Variants in ICA1 observed in about 807,000 individuals in gnomAD.
The protein encoded by ICA1 is 69 kDa islet cell autoantigen.
A neutral mutation model predicts 71.0 loss-of-function variants in ICA1; 40 were observed. The ratio of observed to expected loss-of-function variants is 0.56; its 90% CI spans 0.44 to 0.73. The LOEUF (loss-of-function observed/expected upper bound fraction) is 0.73, where lower values mean the gene tolerates loss of function less well. ICA1 is among the 30% of genes least tolerant of loss of function. The probability of loss-of-function intolerance (pLI) is 0.00; values close to 1 mark genes in which losing one functional copy is unlikely to be tolerated. For missense variants in ICA1, 578 were observed against 576.5 expected (o/e 1.00, Z -0.03); for synonymous variants, 207 against 209.5 (o/e 0.99, Z 0.10).
At chr7:8,189,551 G>A (rs1784904946) in intron 6 of ICA1, among the ~76,000 whole-genome samples, 1 of 152,176 alleles carries the variant, frequency 6.6e-6, no homozygotes, top group African/African-American at 2.4e-5. Flanking sequence ...TCCCATGGAG[G>A]CAGGTTTTTT....
chr7:8,211,017 C>T (rs532521133), intron 6 of ICA1, among the ~76,000 whole-genome samples: 4 of 152,196 alleles, frequency 2.6e-5, no homozygotes, highest in Middle Eastern at 3.4e-3. Context: ...GGAGGAAGGC[C>T]GCTGAATCGT....
intron 13 of ICA1, among the ~76,000 whole-genome samples, chr7:8,120,522 C>G (rs1477355135): frequency 6.6e-6 from 1 of 152,138 alleles, no homozygotes; most frequent in Admixed American, 6.6e-5. Context: ...ATCAACTGTT[C>G]TCTAGCTGGT....
chr7:8,247,921 T>G (rs1301424764), intron 1 of ICA1, among the ~76,000 whole-genome samples: 1 of 152,188 alleles, frequency 6.6e-6, no homozygotes, highest in Admixed American at 6.5e-5. Context: ...ACCCACAAAA[T>G]TTGACCAGTT....
intron 12 of ICA1, among the ~76,000 whole-genome samples, chr7:8,136,507 G>C (rs1005744797): frequency 2.0e-5 from 3 of 152,178 alleles, no homozygotes; most frequent in Admixed American, 2.0e-4. Context: ...TGTGCACTGA[G>C]AGAATATTTT....
At chr7:8,215,583 CT>C (rs1317237646) in intron 6 of ICA1, among the ~76,000 whole-genome samples, 1 of 152,154 alleles carries the variant, frequency 6.6e-6, no homozygotes, top group Non-Finnish European at 1.5e-5. Context: ...CTGTATTCCC[CT>C]GGATGCTGCC....
At position 8,130,746 on chromosome 7, in the gene ICA1, T is replaced by A. The variant is rs879544873; in HGVS notation, c.1061-2604A>T. On this transcript the variant is annotated intron_variant, in intron 12 of 13. Transcript: ENST00000402384. The surrounding 1 kb of genome is among the most constrained non-coding windows in gnomAD (Gnocchi z 4.2). Reference sequence around the variant, plus strand: ...ACAGATGTCTGTCCAGGGAAGATCATCATTAACATTAGCAAGAACAAATAA... The same window carrying A: ...ACAGATGTCTGTCCAGGGAAGATCAACATTAACATTAGCAAGAACAAATAA... 1.2e-4 allele frequency among the ~76,000 whole-genome samples: 18 copies of A among 152,342 alleles called. No individual in the cohort carries two copies. Among genetic ancestry groups the A allele is most frequent in the Non-Finnish European group, 2.4e-4 (16 of 68,028 alleles).
rs542383174 is a variant in ICA1, at chr7:8,196,908, C to A, written c.579+21397G>T. Among the ~76,000 whole-genome samples the A allele has an allele frequency of 5.3e-5, 8 of 152,154 alleles. No homozygotes were observed. In the South Asian group the frequency reaches 1.7e-3, roughly 32 times the overall value. On this transcript the variant is annotated intron_variant, in intron 6 of 13. Transcript: ENST00000402384. ...TTTTATAAATGGGAGATCCCCTGGACAAGCTTTCTTTCCTCCCGCCATGTG... is the reference window on the plus strand; with the variant it reads ...TTTTATAAATGGGAGATCCCCTGGAAAAGCTTTCTTTCCTCCCGCCATGTG...
At chr7:8,237,049 G>T (rs1416400967) in intron 1 of ICA1, among the ~76,000 whole-genome samples, 1 of 152,210 alleles carries the variant, frequency 6.6e-6, no homozygotes, top group Non-Finnish European at 1.5e-5. Context: ...ATTACGATGT[G>T]CAAATCCCAC....
Position 8,243,109 on chromosome 7 carries a change from A to G in ICA1, c.-79-7104T>C, listed in dbSNP as rs1198398986. 2.0e-5 allele frequency among the ~76,000 whole-genome samples: 3 copies of G among 152,324 alleles called. No individual in the cohort carries two copies. In the South Asian group the frequency reaches 6.2e-4, roughly 32 times the overall value. On this transcript the variant is annotated intron_variant, in intron 1 of 13. Transcript: ENST00000402384. ...GATACCAAAGCCTGGCAGAGACACA[A>G]CAAAAAAAGGGAATTTTAGACCTAT...
chr7:8,128,372 G>A (rs963037168), intron 12 of ICA1, among the ~76,000 whole-genome samples: 1 of 152,054 alleles, frequency 6.6e-6, no homozygotes, highest in Admixed American at 6.6e-5. Context: ...TCAGTTTCTG[G>A]GCATCAGACT....
chr7:8,118,079 C>A (rs988528924), intron 13 of ICA1, among the ~76,000 whole-genome samples: 1 of 152,062 alleles, frequency 6.6e-6, no homozygotes, highest in Non-Finnish European at 1.5e-5. Flanking sequence ...TCTTTTAAAC[C>A]GTGAGTATAC....
intron 6 of ICA1, among the ~76,000 whole-genome samples, chr7:8,180,135 T>C (rs1335667861): frequency 6.6e-6 from 1 of 152,038 alleles, no homozygotes; most frequent in Non-Finnish European, 1.5e-5. Flanking sequence ...CAGAAAAACA[T>C]ACCAAACATT....
Position 8,113,914 on chromosome 7 carries a change from G to C in ICA1, c.*9C>G. The C allele has an allele frequency of 1.2e-6, 2 of 1,614,046 alleles. No individual in the cohort carries two copies. Among genetic ancestry groups the C allele is most frequent in the African/African-American group, 1.3e-5 (1 of 75,028 alleles). ...GCGGCATGTGAGTGCCCTCCCGAAG[G>C]GTACAGATTCATGCATTGAGCAATT... On this transcript the variant is annotated 3_prime_UTR_variant, in exon 14 of 14. Coordinates refer to ENST00000402384, the MANE Select transcript of ICA1 (RefSeq NM_001136020.3). The surrounding 1 kb of genome is among the most constrained non-coding windows in gnomAD (Gnocchi z 4.2).
rs904445565 is a variant in ICA1, at chr7:8,113,503, G to C, written c.*420C>G. ...TCTTCCTACAGCCCTCCTCCAAGGG[G>C]GACAGAGGCTGGGGGCAGAGAAGGA... is the stretch of plus-strand genomic sequence containing the variant. On this transcript the variant is annotated 3_prime_UTR_variant, in exon 14 of 14. Transcript: ENST00000402384. This position sits in a 1 kb window ranked among gnomAD's most constrained non-coding sequence, Gnocchi z 4.2. 6.2e-6 allele frequency: 1 copy of C among 161,892 alleles called. No individual in the cohort carries two copies. The highest frequency in any genetic ancestry group is 2.4e-5 in the African/African-American group (1 of 41,618). The allele number at this position is 161,892 out of a possible 1,614,324, so 10.0% of individuals were successfully genotyped here. A position where few individuals can be genotyped will look rare whatever the true frequency, so the allele number is the denominator to read the frequency against.
At chr7:8,235,569 CTAA>C (rs367916756) in intron 2 of ICA1, among the ~76,000 whole-genome samples, 123 of 152,240 alleles carry the variant, frequency 8.1e-4, no homozygotes, top group African/African-American at 2.6e-3. Flanking sequence ...CCTTGTAACT[CTAA>C]TGTTAGAAGT....
chr7:8,145,764 A>ATATATATATATATATATATG lies in ICA1; in HGVS notation c.805-1793_805-1792insCATATATATATATATATATA, dbSNP rs55971486. On this transcript the variant is annotated intron_variant, in intron 8 of 13. Transcript: ENST00000402384. ...AATCATTGTGTATATATATATATAT[A>ATATATATATATATATATATG]TATGTATATAAAATATATAGAGAGA... Among the ~76,000 whole-genome samples, 120 of 136,308 alleles carry ATATATATATATATATATATG rather than the reference A, an allele frequency of 8.8e-4. 2 individuals carry two copies. The highest frequency in any genetic ancestry group is 6.3e-3 in the South Asian group (27 of 4,290). 89.4% of individuals were successfully genotyped at this position (136,308 alleles called of 152,430 possible).
At chr7:8,196,014 C>T (rs1787430313) in intron 6 of ICA1, among the ~76,000 whole-genome samples, 1 of 137,598 alleles carries the variant, frequency 7.3e-6, no homozygotes. Flanking sequence ...AACACCAACA[C>T]CAAAAACAAT....
At chr7:8,200,582 G>A (rs1789288498) in intron 6 of ICA1, among the ~76,000 whole-genome samples, 1 of 152,104 alleles carries the variant, frequency 6.6e-6, no homozygotes, top group Non-Finnish European at 1.5e-5. Flanking sequence ...AGTATGGAAG[G>A]GGCCTTGCTG....
At chr7:8,143,556 A>C (rs1406289039) in intron 9 of ICA1, among the ~76,000 whole-genome samples, 1 of 152,156 alleles carries the variant, frequency 6.6e-6, no homozygotes, top group Non-Finnish European at 1.5e-5. Flanking sequence ...AAACCAGAGA[A>C]AGTGCAAAGC....
Sources: gnomAD v4.1 joint callset for allele counts (sites outside exome capture counted in the v4.1 genomes callset) on GRCh38, gnomAD v4.1.1 for gene constraint, Gnocchi (gnomAD v3.1) non-coding constraint, MANE v1.5 for transcripts, NCBI Gene and HGNC (gene_info 2026-07-23, HGNC 2026-07-21) for gene names.